WDR11: variants seen among roughly 807,000 people sequenced by gnomAD.
The protein encoded by WDR11 is WD repeat-containing protein 11.
WDR11 carries 83 observed loss-of-function variants against 151.2 expected under a neutral mutation model. The ratio of observed to expected loss-of-function variants is 0.55; its 90% CI spans 0.46 to 0.66. The LOEUF (loss-of-function observed/expected upper bound fraction) is 0.66, where lower values mean the gene tolerates loss of function less well. Ranked by LOEUF, WDR11 falls within the 30% of genes least tolerant of loss-of-function variation. WDR11 has a pLI of 0.00. For synonymous variants in WDR11, 484 were observed against 533.1 expected (o/e 0.91, Z 1.27); for missense variants, 1,301 against 1,480.9 (o/e 0.88, Z 1.99).
At chr10:120,897,746 T>G (rs961177661) in intron 19 of WDR11, among the ~76,000 whole-genome samples, 14 of 152,112 alleles carry the variant, frequency 9.2e-5, no homozygotes, top group African/African-American at 3.4e-4. Context: ...TAAAGAGACA[T>G]GACAATGCAG....
chr10:120,907,420 A>AAAAG (rs1329156574), intron 28 of WDR11: 1 of 159,432 alleles, frequency 6.3e-6, no homozygotes, highest in Non-Finnish European at 1.4e-5. Context: ...GGTTTCTTTG[A>AAAAG]AAAGAATGAA....
At chr10:120,872,543 C>A (rs1846584274) in intron 10 of WDR11, among the ~76,000 whole-genome samples, 1 of 120,878 alleles carries the variant, frequency 8.3e-6, no homozygotes, top group African/African-American at 3.2e-5. Context: ...ATATCATTTA[C>A]TGAATTTAGT....
At chr10:120,859,390 C>G (rs1004958743) in intron 3 of WDR11, among the ~76,000 whole-genome samples, 19 of 151,686 alleles carry the variant, frequency 1.3e-4, no homozygotes, top group Admixed American at 9.8e-4. Flanking sequence ...GCCTCAGCCT[C>G]CCGAGTAGCT....
intron 21 of WDR11, among the ~76,000 whole-genome samples, chr10:120,901,751 A>G (rs1847827975): frequency 6.6e-6 from 1 of 152,224 alleles, no homozygotes; most frequent in Admixed American, 6.5e-5. Flanking sequence ...TTTATGTTTA[A>G]ATGGGAAACT....
At chr10:120,878,308 TA>T (rs759249922) in intron 11 of WDR11, 44 bp from the exon 12 acceptor site, 1 of 1,441,122 alleles carries the variant, frequency 6.9e-7, no homozygotes, top group Non-Finnish European at 9.7e-7. Flanking sequence ...ACCTTTCAAA[TA>T]AAAAAGAGAA....
At chr10:120,901,182 TAA>T (rs1847800509) in intron 21 of WDR11, 84 bp downstream of exon 21, 1 of 1,241,766 alleles carries the variant, frequency 8.1e-7, no homozygotes, top group Admixed American at 1.7e-5. Flanking sequence ...AAAATTAAAA[TAA>T]GTTACGTTTT....
In WDR11 at chr10:120,890,783, G is replaced by A. The variant is rs771687193; in HGVS notation, c.2411G>A (p.Cys804Tyr). ...TTTCGTATATTGGATGTGGACTGGTGTACGTCAGATAAAGTGATCTTGGCC... is the reference window on the plus strand; with the variant it reads ...TTTCGTATATTGGATGTGGACTGGTATACGTCAGATAAAGTGATCTTGGCC... Reference protein sequence around the residue: ...VTFRILDVDWCTSDKVILASD... With the variant: ...VTFRILDVDWYTSDKVILASD... Residue 804 changes from cysteine (C) to tyrosine (Y), a missense_variant, in exon 19 of 29, where the codon TGT becomes TAT. By Grantham distance (194) the Cys-to-Tyr change is radical (BLOSUM62 -2). This residue lies in a region of WDR11 where 589 missense variants were observed against 670.6 expected (regional missense o/e 0.88). Transcript: ENST00000263461. 1.2e-6 allele frequency: 2 copies of A among 1,614,216 alleles called. No individual in the cohort carries two copies. The highest frequency in any genetic ancestry group is 1.7e-6 in the Non-Finnish European group (2 of 1,180,036).
intron 2 of WDR11, among the ~76,000 whole-genome samples, chr10:120,854,167 G>C (rs901056398): frequency 6.6e-6 from 1 of 152,122 alleles, no homozygotes; most frequent in Non-Finnish European, 1.5e-5. Flanking sequence ...ATATCCACTA[G>C]CAGTCATATT....
intron 12 of WDR11, chr10:120,880,024 G>A (rs574469033): frequency 4.6e-5 from 7 of 152,250 alleles, no homozygotes; most frequent in East Asian, 1.9e-4. Context: ...AGAGGAACAT[G>A]TTCAAAATAT....
At chr10:120,905,773 A>T (rs1652726) in intron 26 of WDR11, 103 bp from the exon 27 acceptor site, 1 of 1,602,466 alleles carries the variant, frequency 6.2e-7, no homozygotes, top group East Asian at 2.2e-5. Context: ...CAAGCAGAGC[A>T]TAGCCTGTAT....
rs1233634087 is a variant in WDR11, at chr10:120,897,993, C to T, written c.2516-2036C>T. ...GTATAATTTAATTTTTATTTAACTA[C>T]ATAGAATAAAGTTTTCTAAAGCAGA... On this transcript the variant is annotated intron_variant, in intron 19 of 28. Transcript: ENST00000263461. 3.3e-5 allele frequency among the ~76,000 whole-genome samples: 5 copies of T among 152,176 alleles called. No homozygotes were observed. The East Asian group carries it at 9.6e-4, about 29-fold the overall frequency.
At chr10:120,887,857 A>G (rs1402115299) in intron 16 of WDR11, among the ~76,000 whole-genome samples, 1 of 152,198 alleles carries the variant, frequency 6.6e-6, no homozygotes, top group African/African-American at 2.4e-5. Context: ...TCTTAATTAA[A>G]CATTCTATTT....
intron 1 of WDR11, 43 bp from the exon 2 acceptor site, chr10:120,852,481 T>G: frequency 6.4e-7 from 1 of 1,552,916 alleles, no homozygotes; most frequent in Non-Finnish European, 8.9e-7. Context: ...GAAGTCGTCC[T>G]GCTTTGTTCT....
chr10:120,889,912 G>A lies in WDR11; in HGVS notation c.2246G>A (p.Arg749Gln), dbSNP rs775379217. 1.4e-5 allele frequency: 23 copies of A among 1,613,532 alleles called. No individual in the cohort carries two copies. The highest frequency in any genetic ancestry group is 1.9e-5 in the Non-Finnish European group (23 of 1,179,622). Residue 749 changes from arginine (R) to glutamine (Q), a missense_variant, in exon 18 of 29, where the codon CGA (arginine) becomes CAA (glutamine). Transcript: ENST00000263461. ...GTCTTCAGAGGAATACCCACACACC[G>A]AAGTTGGGTGAGGAAGATTCGTTTT... ...GRVSRGIPTH[R>Q]SWVRKIRFAP...
At chr10:120,883,733 G>C in intron 13 of WDR11, 47 bp from the exon 14 acceptor site, 1 of 1,555,672 alleles carries the variant, frequency 6.4e-7, no homozygotes, top group East Asian at 2.2e-5. Flanking sequence ...AATTCATGGT[G>C]AAATTTTTGC....
At chr10:120,886,570 T>A (rs1847225763) in intron 15 of WDR11, 119 bp from the exon 16 acceptor site, 2 of 1,312,682 alleles carry the variant, frequency 1.5e-6, no homozygotes, top group South Asian at 1.4e-5. Context: ...TTCAGACTTT[T>A]AAAAAAATAG....
chr10:120,863,994 A>G (rs1846225645), intron 5 of WDR11, among the ~76,000 whole-genome samples: 1 of 152,124 alleles, frequency 6.6e-6, no homozygotes, highest in Admixed American at 6.5e-5. Context: ...ATAGTTTTAT[A>G]AGTTATGTTT....
At chr10:120,875,978 C>CTTTT (rs67775105) in intron 11 of WDR11, among the ~76,000 whole-genome samples, 25 of 122,812 alleles carry the variant, frequency 2.0e-4, no homozygotes, top group East Asian at 4.7e-4. Flanking sequence ...CCTTTTTTTT[C>CTTTT]TTTTTTTTTT....
intron 2 of WDR11, among the ~76,000 whole-genome samples, chr10:120,855,883 C>T (rs1299575516): frequency 6.6e-6 from 1 of 152,168 alleles, no homozygotes; most frequent in African/African-American, 2.4e-5. Context: ...AGGACCTCTA[C>T]TACAATGAAT....
Sources: allele counts gnomAD v4.1 joint callset (sites outside exome capture counted in the v4.1 genomes callset), GRCh38; gene constraint gnomAD v4.1.1; regional missense constraint gnomAD v4.1.1; transcripts MANE v1.5; gene names NCBI Gene and HGNC (gene_info 2026-07-23, HGNC 2026-07-21).